Variants in GABRB1 observed in about 807,000 individuals in gnomAD.
The protein encoded by GABRB1 is gamma-aminobutyric acid receptor subunit beta-1.
GABRB1 carries 17 observed loss-of-function variants against 51.6 expected under a neutral mutation model. The observed-to-expected ratio is 0.33, with a 90% CI of 0.23 to 0.49. The LOEUF is 0.49. GABRB1 is among the 20% of genes least tolerant of loss of function. The pLI, the probability that GABRB1 is intolerant of heterozygous loss-of-function variation, is 0.99. For missense variants in GABRB1, 410 were observed against 600.6 expected (o/e 0.68, Z 3.32); for synonymous variants, 247 against 218.9 (o/e 1.13, Z -1.14).
chr4:47,095,397 G>A (rs1714361842), intron 3 of GABRB1, among the ~76,000 whole-genome samples: 1 of 152,102 alleles, frequency 6.6e-6, no homozygotes, highest in Admixed American at 6.6e-5. Flanking sequence ...CCCAGAACAA[G>A]AAGAGAGGAA....
rs566633725 is a variant in GABRB1 at position 47,381,110 on chromosome 4, G to A, written c.545-22208G>A. Among the ~76,000 whole-genome samples, 6 of 152,208 alleles carry A rather than the reference G, an allele frequency of 3.9e-5. No homozygotes were observed. In the South Asian group the frequency reaches 1.2e-3, roughly 32 times the overall value. On this transcript the variant is annotated intron_variant, in intron 5 of 8. Coordinates refer to ENST00000295454, the MANE Select transcript of GABRB1 (RefSeq NM_000812.4). The stretch of plus-strand genomic sequence containing the variant: ...CCTAGTCCTTGTGCACTGTCTCCCC[G>A]TTGTGCCACACCTACCCCTGAAGTC...
intron 5 of GABRB1, among the ~76,000 whole-genome samples, chr4:47,397,070 T>C (rs1728201092): frequency 6.6e-6 from 1 of 152,232 alleles, no homozygotes; most frequent in Non-Finnish European, 1.5e-5. Flanking sequence ...AAATATGAAC[T>C]GCAATTATTT....
At position 47,149,077 on chromosome 4, in the gene GABRB1, T is replaced by C. The variant is rs536571312; in HGVS notation, c.241-12172T>C. Among the ~76,000 whole-genome samples, 44 of 152,100 alleles carry C rather than the reference T, an allele frequency of 2.9e-4. 1 individual carries two copies. Among genetic ancestry groups the C allele is most frequent in the Admixed American group, 1.2e-3 (18 of 15,244 alleles). ...TGAGAAGAGGCACTTAGGGCATCCT[T>C]AAACTCAGTCTCACCTATCAAAGGA... On this transcript the variant is annotated intron_variant, in intron 3 of 8. Coordinates refer to ENST00000295454, the MANE Select transcript of GABRB1 (RefSeq NM_000812.4).
At chr4:47,240,669 G>A (rs552060555) in intron 4 of GABRB1, among the ~76,000 whole-genome samples, 15 of 152,164 alleles carry the variant, frequency 9.9e-5, no homozygotes, top group African/African-American at 2.9e-4. Context: ...AAGAATATAC[G>A]GAAAGTCTAG....
intron 1 of GABRB1, among the ~76,000 whole-genome samples, chr4:47,023,392 C>T (rs1724982437): frequency 6.6e-6 from 1 of 151,834 alleles, no homozygotes; most frequent in Non-Finnish European, 1.5e-5. Context: ...CTGCATCATT[C>T]TTATTTTCTT....
chr4:47,099,032 CT>C (rs1481003744), intron 3 of GABRB1, among the ~76,000 whole-genome samples: 1 of 152,052 alleles, frequency 6.6e-6, no homozygotes, highest in African/African-American at 2.4e-5. Flanking sequence ...GTTCTGACTT[CT>C]AGGGTAATAC....
At chr4:47,342,451 A>T (rs1177173470) in intron 5 of GABRB1, among the ~76,000 whole-genome samples, 1 of 152,214 alleles carries the variant, frequency 6.6e-6, no homozygotes, top group African/African-American at 2.4e-5. Flanking sequence ...TGACAAAAAC[A>T]AAGGAAAACT....
At chr4:47,018,815 G>T (rs1724825674) in intron 1 of GABRB1, among the ~76,000 whole-genome samples, 1 of 152,162 alleles carries the variant, frequency 6.6e-6, no homozygotes, top group African/African-American at 2.4e-5. Context: ...GGCTGAGGAG[G>T]AGGAAGAAGA....
intron 3 of GABRB1, among the ~76,000 whole-genome samples, chr4:47,114,502 A>G (rs1366489698): frequency 6.6e-6 from 1 of 152,160 alleles, no homozygotes; most frequent in African/African-American, 2.4e-5. Flanking sequence ...CTGGGCATGC[A>G]ATATTAGGTA....
At chr4:47,018,981 T>C (rs1053720481) in intron 1 of GABRB1, among the ~76,000 whole-genome samples, 4 of 152,210 alleles carry the variant, frequency 2.6e-5, no homozygotes, top group Admixed American at 6.5e-5. Flanking sequence ...AAACTGCACA[T>C]GCATCACTAG....
intron 5 of GABRB1, among the ~76,000 whole-genome samples, chr4:47,385,283 A>G (rs4571305): frequency 0.14 from 21,129 of 152,202 alleles, 1,762 homozygotes; most frequent in African/African-American, 0.22. Flanking sequence ...TGCAAGGAGT[A>G]CATGTTTTAT....
At chr4:47,038,859 A>C (rs887815137) in intron 3 of GABRB1, among the ~76,000 whole-genome samples, 1 of 152,170 alleles carries the variant, frequency 6.6e-6, no homozygotes, top group Non-Finnish European at 1.5e-5. Context: ...ATCACACTTG[A>C]AAATCATAGG....
intron 3 of GABRB1, among the ~76,000 whole-genome samples, chr4:47,092,645 C>T (rs956074770): frequency 6.6e-6 from 1 of 151,390 alleles, no homozygotes; most frequent in African/African-American, 2.4e-5. Flanking sequence ...CACTCTGTCG[C>T]CCAGGTTGGA....
intron 3 of GABRB1, among the ~76,000 whole-genome samples, chr4:47,047,790 G>C (rs1388826711): frequency 3.3e-5 from 5 of 152,026 alleles, no homozygotes; most frequent in Admixed American, 2.0e-4. Flanking sequence ...TGTATGTAAG[G>C]TACAAAGTGT....
chr4:47,156,142 T>C lies in GABRB1; in HGVS notation c.241-5107T>C, dbSNP rs374565790. Among the ~76,000 whole-genome samples, 62 of 151,826 alleles carry C rather than the reference T, an allele frequency of 4.1e-4. 1 individual carries two copies. Among genetic ancestry groups the C allele is most frequent in the African/African-American group, 1.5e-3 (62 of 41,448 alleles). ...TTCTGTTTTCAATTTTTTGAGGAAC[T>C]TCCATACTGTTTTCTGTAGTCGCTG... On this transcript the variant is annotated intron_variant, in intron 3 of 8. Coordinates refer to ENST00000295454, the MANE Select transcript of GABRB1 (RefSeq NM_000812.4).
intron 5 of GABRB1, among the ~76,000 whole-genome samples, chr4:47,333,794 A>G (rs774979697): frequency 2.6e-5 from 4 of 152,214 alleles, no homozygotes; most frequent in Non-Finnish European, 4.4e-5. Flanking sequence ...AAAAAATTAT[A>G]TAAGAATAAT....
At chr4:47,256,912 A>C (rs1243473008) in intron 4 of GABRB1, among the ~76,000 whole-genome samples, 1 of 152,164 alleles carries the variant, frequency 6.6e-6, no homozygotes, top group Non-Finnish European at 1.5e-5. Flanking sequence ...CATTCTATAA[A>C]GTAGGTACTA....
chr4:47,401,014 C>T (rs932470822), intron 5 of GABRB1, among the ~76,000 whole-genome samples: 4 of 150,736 alleles, frequency 2.7e-5, no homozygotes, highest in Non-Finnish European at 5.9e-5. Flanking sequence ...CTGCAAGCTC[C>T]GCCTCCGGGG....
chr4:47,384,250 A>C (rs144655510), intron 5 of GABRB1, among the ~76,000 whole-genome samples: 276 of 152,158 alleles, frequency 1.8e-3, no homozygotes, highest in Non-Finnish European at 2.9e-3. Context: ...ATACATTTTT[A>C]TTATATTTTT....
Sources: allele counts gnomAD v4.1 joint callset (sites outside exome capture counted in the v4.1 genomes callset), GRCh38; gene constraint gnomAD v4.1.1; transcripts MANE v1.5; gene names NCBI Gene and HGNC (gene_info 2026-07-23, HGNC 2026-07-21).